ATP10B: variants seen among roughly 807,000 people sequenced by gnomAD.
ATP10B encodes the protein phospholipid-transporting ATPase VB.
A neutral mutation model predicts 141.2 loss-of-function variants in ATP10B; 122 were observed. The ratio of observed to expected loss-of-function variants is 0.86; its 90% confidence interval spans 0.75 to 1.00. The LOEUF (loss-of-function observed/expected upper bound fraction) is 1.00. Among genes scored for constraint, ATP10B ranks in the 50% least tolerant of loss-of-function variants. ATP10B has a pLI of 0.00. For synonymous variants in ATP10B, 685 were observed against 692.0 expected, an observed-to-expected ratio of 0.99 and a Z score of 0.16; for missense variants, 1,876 against 1,825.3, an observed-to-expected ratio of 1.03 and a Z score of -0.51.
chr5:160,897,638 C>T, the ATP10B span, among the ~76,000 whole-genome samples: 2 of 152,160 alleles, frequency 1.3e-5, no homozygotes, highest in Non-Finnish European at 2.9e-5. Flanking sequence ...AGATTCAATG[C>T]TATTCCCATC....
At chr5:160,849,282 C>T (rs1753647355) in intron 1 of ATP10B, among the ~76,000 whole-genome samples, 1 of 152,130 alleles carries the variant, frequency 6.6e-6, no homozygotes, top group South Asian at 2.1e-4. Context: ...TGTGTCACTT[C>T]TTCAACTTAA....
chr5:160,773,382 C>A (rs1296950602), intron 2 of ATP10B, among the ~76,000 whole-genome samples: 1 of 152,116 alleles, frequency 6.6e-6, no homozygotes, highest in African/African-American at 2.4e-5. Context: ...TGGGTACCAG[C>A]CACATGCATA....
At chr5:160,585,021 C>T (rs1280955896) in intron 24 of ATP10B, among the ~76,000 whole-genome samples, 3 of 152,186 alleles carry the variant, frequency 2.0e-5, no homozygotes, top group Non-Finnish European at 2.9e-5. Context: ...ATGATATATC[C>T]AGGCAATACA....
At chr5:160,756,604 A>G (rs1467442888) in intron 2 of ATP10B, among the ~76,000 whole-genome samples, 1 of 151,996 alleles carries the variant, frequency 6.6e-6, no homozygotes, top group Admixed American at 6.6e-5. Flanking sequence ...TCCAATTTTC[A>G]TTTCCTTATA....
chr5:160,844,550 G>GTTT (rs35139185), intron 1 of ATP10B, among the ~76,000 whole-genome samples: 2 of 143,364 alleles, frequency 1.4e-5, no homozygotes, highest in African/African-American at 5.1e-5. Flanking sequence ...TAAATACTTT[G>GTTT]TTTTTTTTTT....
chr5:160,734,232 C>T (rs577581288), intron 2 of ATP10B, among the ~76,000 whole-genome samples: 2 of 151,468 alleles, frequency 1.3e-5, no homozygotes, highest in African/African-American at 2.4e-5. Context: ...AAGGATTCTT[C>T]TTCAGGCTAT....
chr5:160,574,801 CTTTT>C (rs35450287), intron 24 of ATP10B, among the ~76,000 whole-genome samples: 1 of 140,932 alleles, frequency 7.1e-6, no homozygotes, highest in African/African-American at 2.6e-5. Flanking sequence ...CAGCATTCAT[CTTTT>C]TTTTTTTTTT....
intron 7 of ATP10B, among the ~76,000 whole-genome samples, chr5:160,668,648 G>A (rs917380487): frequency 1.3e-5 from 2 of 152,236 alleles, no homozygotes; most frequent in Non-Finnish European, 2.9e-5. Context: ...TGGACATGCT[G>A]ATCTACAGTG....
At position 160,649,399 on chromosome 5, in the gene ATP10B, G is replaced by GA. The variant is rs1439015287; in HGVS notation, c.676-144dup. On this transcript the variant is annotated intron_variant, in intron 7 of 25. Transcript: ENST00000327245. Reference sequence around the variant, plus strand: ...ACACTTTGATAGTTGTAATGTGTCAGAAAAAAAAGTTAAGTCCTCATTAAG... The same window carrying GA: ...ACACTTTGATAGTTGTAATGTGTCAGAAAAAAAAAGTTAAGTCCTCATTAAG... 1.4e-4 allele frequency: 88 copies of GA among 618,760 alleles called. No individual in the cohort carries two copies. The East Asian group carries it at 1.9e-3, about 13-fold the overall frequency. 38.3% of individuals were successfully genotyped at this position (618,760 alleles called of 1,614,324 possible). A position where few individuals can be genotyped will look rare whatever the true frequency, so the allele number is the denominator to read the frequency against.
chr5:160,825,947 C>T (rs1049504361), intron 1 of ATP10B, among the ~76,000 whole-genome samples: 3 of 152,112 alleles, frequency 2.0e-5, no homozygotes, highest in Admixed American at 6.5e-5. Flanking sequence ...CTTAGAATCA[C>T]GGCCTCCAGC....
At chr5:160,808,414 A>C (rs781020926) in intron 1 of ATP10B, among the ~76,000 whole-genome samples, 4 of 152,212 alleles carry the variant, frequency 2.6e-5, no homozygotes, top group African/African-American at 4.8e-5. Flanking sequence ...TACCATGAGC[A>C]TGGCTTTGGT....
chr5:160,760,478 T>C (rs894619897), intron 2 of ATP10B, among the ~76,000 whole-genome samples: 3 of 152,250 alleles, frequency 2.0e-5, no homozygotes, highest in Admixed American at 6.5e-5. Context: ...TTGGATTATA[T>C]GCTACAGTAA....
In ATP10B at chr5:160,617,891, G is replaced by A; in HGVS notation, c.2499C>T (p.Gly833=). Residue 833 remains glycine, a synonymous_variant, in exon 16 of 26, where the codon GGC becomes GGT. Coordinates refer to ENST00000327245, the MANE Select transcript of ATP10B (RefSeq NM_025153.3). ...TCTTGGCAATGCATAGTGTGCGCAG[G>A]CCATCTCTTGCATACAAGTCTAGAT... is the stretch of plus-strand genomic sequence containing the variant. The part of the protein sequence containing the change: ...QKHLDLYARD[G]LRTLCIAKKV... 6.2e-7 allele frequency: 1 copy of A among 1,614,106 alleles called. No homozygotes were observed. Among genetic ancestry groups the A allele is most frequent in the Non-Finnish European group, 8.5e-7 (1 of 1,179,944 alleles).
chr5:160,917,269 C>CTTTTTTTT, the ATP10B span, among the ~76,000 whole-genome samples: 1 of 127,688 alleles, frequency 7.8e-6, no homozygotes, highest in African/African-American at 3.0e-5. Flanking sequence ...TAGGGTACTT[C>CTTTTTTTT]TTTTTTTTTT....
chr5:160,885,265 AG>A, the ATP10B span, among the ~76,000 whole-genome samples: 2 of 152,118 alleles, frequency 1.3e-5, no homozygotes, highest in Admixed American at 6.5e-5. Context: ...TGTTTTAATA[AG>A]GGAAGCGGAT....
At chr5:160,898,961 G>A in the ATP10B span, among the ~76,000 whole-genome samples, 2 of 151,484 alleles carry the variant, frequency 1.3e-5, no homozygotes, top group African/African-American at 2.4e-5. Context: ...CATGGACACA[G>A]GGAGGGGAAC....
chr5:160,603,769 C>A, intron 20 of ATP10B, 196 bp downstream of exon 20: 2 of 532,974 alleles, frequency 3.8e-6, no homozygotes, highest in South Asian at 2.9e-5. Context: ...TTCTTCCAAG[C>A]TGAATTTTGA....
the ATP10B span, among the ~76,000 whole-genome samples, chr5:160,895,083 C>T: frequency 6.6e-6 from 1 of 152,098 alleles, no homozygotes; most frequent in African/African-American, 2.4e-5. Flanking sequence ...ACAACCGGTA[C>T]CAGCCACTAC....
At chr5:160,626,295 T>C (rs144221362) in intron 13 of ATP10B, among the ~76,000 whole-genome samples, 3 of 152,302 alleles carry the variant, frequency 2.0e-5, no homozygotes, top group East Asian at 1.9e-4. Context: ...CAAACCCCCT[T>C]TGAGGAAGCT....
Sources: gnomAD v4.1 joint callset for allele counts (sites outside exome capture counted in the v4.1 genomes callset) on GRCh38, gnomAD v4.1.1 for gene constraint, MANE v1.5 for transcripts, NCBI Gene and HGNC (gene_info 2026-07-23, HGNC 2026-07-21) for gene names.